STXBP5L: variants seen among roughly 807,000 people sequenced by gnomAD.
The protein encoded by STXBP5L is syntaxin binding protein 5L.
A neutral mutation model predicts 144.5 loss-of-function variants in STXBP5L; 65 were observed. The observed-to-expected ratio is 0.45, with a 90% confidence interval of 0.37 to 0.55. STXBP5L has a LOEUF of 0.55. Ranked by LOEUF, STXBP5L falls within the 20% of genes least tolerant of loss-of-function variation. The pLI, the probability that STXBP5L is intolerant of heterozygous loss-of-function variation, is 0.00. For missense variants in STXBP5L, 1,298 were observed against 1,405.5 expected (o/e 0.92, Z 1.22); for synonymous variants, 505 against 469.6 (o/e 1.08, Z -0.97).
chr3:120,996,401 C>G (rs774289531), intron 3 of STXBP5L, among the ~76,000 whole-genome samples: 2 of 151,904 alleles, frequency 1.3e-5, no homozygotes, highest in Non-Finnish European at 2.9e-5. Flanking sequence ...GAACTGATTA[C>G]TATAGTCAAG....
chr3:120,976,355 A>G (rs186227659), intron 3 of STXBP5L, among the ~76,000 whole-genome samples: 220 of 152,116 alleles, frequency 1.4e-3, no homozygotes, highest in Non-Finnish European at 2.4e-3. Flanking sequence ...GTATTCTCTG[A>G]TAGTAGTTTG....
chr3:120,962,718 C>T (rs564388254), intron 3 of STXBP5L, among the ~76,000 whole-genome samples: 69 of 152,288 alleles, frequency 4.5e-4, no homozygotes, highest in African/African-American at 1.6e-3. Flanking sequence ...CATGATGGCT[C>T]CAGCTTTGTT....
chr3:121,232,708 C>T (rs1218410512), intron 11 of STXBP5L, among the ~76,000 whole-genome samples: 5 of 152,158 alleles, frequency 3.3e-5, no homozygotes. Flanking sequence ...AACACTGAAG[C>T]AGCAGGTTTT....
At chr3:121,145,323 T>C (rs2045672981) in intron 7 of STXBP5L, among the ~76,000 whole-genome samples, 1 of 151,646 alleles carries the variant, frequency 6.6e-6, no homozygotes, top group Non-Finnish European at 1.5e-5. Context: ...TCCATCAATA[T>C]AATTTATATC....
intron 5 of STXBP5L, among the ~76,000 whole-genome samples, chr3:121,090,888 A>G (rs1429677497): frequency 1.3e-5 from 2 of 150,216 alleles, no homozygotes; most frequent in Non-Finnish European, 3.0e-5. Flanking sequence ...CTAACGTGTC[A>G]TCTAGCATTA....
At chr3:121,306,697 C>T (rs1482336930) in intron 19 of STXBP5L, among the ~76,000 whole-genome samples, 1 of 152,106 alleles carries the variant, frequency 6.6e-6, no homozygotes, top group Non-Finnish European at 1.5e-5. Flanking sequence ...TAATTGATAG[C>T]ACCTCTTAAT....
In STXBP5L at chr3:121,404,861, T is replaced by C. The variant is rs150320264; in HGVS notation, c.2588-2382T>C. On this transcript the variant is annotated intron_variant, in intron 22 of 26. Transcript: ENST00000471454. ...TATTAGTTTGCTCAGGCTGCCATAA[T>C]GAAATACCACAGACTCAGTGGCTTA... 4.9e-4 allele frequency among the ~76,000 whole-genome samples: 74 copies of C among 152,250 alleles called. 1 individual carries two copies. In the East Asian group the frequency reaches 0.013, roughly 27 times the overall value.
chr3:120,936,702 C>G (rs1018951917), intron 2 of STXBP5L, among the ~76,000 whole-genome samples: 1 of 151,938 alleles, frequency 6.6e-6, no homozygotes, highest in Non-Finnish European at 1.5e-5. Flanking sequence ...CTCCACCTCC[C>G]GGGTTTATGC....
chr3:121,003,854 G>A (rs1944007712), intron 3 of STXBP5L, among the ~76,000 whole-genome samples: 2 of 152,186 alleles, frequency 1.3e-5, no homozygotes, highest in South Asian at 4.1e-4. Context: ...TCAAAGATCA[G>A]ATGGTTGAAG....
At chr3:121,292,745 G>A (rs779838741) in intron 19 of STXBP5L, among the ~76,000 whole-genome samples, 27 of 152,218 alleles carry the variant, frequency 1.8e-4, no homozygotes, top group Non-Finnish European at 1.9e-4. Context: ...AACCTGGATG[G>A]AGTTGGAGAC....
At chr3:121,051,646 A>T (rs1948004780) in intron 5 of STXBP5L, among the ~76,000 whole-genome samples, 1 of 152,338 alleles carries the variant, frequency 6.6e-6, no homozygotes, top group African/African-American at 2.4e-5. Context: ...AAAGATCCAA[A>T]ATTCACACCC....
intron 19 of STXBP5L, among the ~76,000 whole-genome samples, chr3:121,291,455 A>G (rs967859593): frequency 3.0e-4 from 45 of 152,188 alleles, no homozygotes; most frequent in African/African-American, 1.0e-3. Context: ...GGGTAGACTC[A>G]ATATTGTGAA....
intron 14 of STXBP5L, among the ~76,000 whole-genome samples, chr3:121,242,414 G>C (rs2049700909): frequency 6.6e-6 from 1 of 152,050 alleles, no homozygotes; most frequent in South Asian, 2.1e-4. Flanking sequence ...ATAGAGTTAA[G>C]GCTTTTATAT....
chr3:121,048,057 C>G (rs1947648271), intron 5 of STXBP5L, among the ~76,000 whole-genome samples: 1 of 152,092 alleles, frequency 6.6e-6, no homozygotes, highest in South Asian at 2.1e-4. Flanking sequence ...CATAAATTCC[C>G]TTAGCATTTG....
At chr3:121,091,486 T>C (rs2042791485) in intron 5 of STXBP5L, among the ~76,000 whole-genome samples, 1 of 152,194 alleles carries the variant, frequency 6.6e-6, no homozygotes, top group South Asian at 2.1e-4. Flanking sequence ...TGGTGTGAGA[T>C]GATATCTCAT....
At chr3:121,214,407 G>T (rs1232229914) in intron 10 of STXBP5L, among the ~76,000 whole-genome samples, 12 of 152,060 alleles carry the variant, frequency 7.9e-5, no homozygotes, top group Non-Finnish European at 8.8e-5. Flanking sequence ...GGTACATTGT[G>T]TCTTTGTTCT....
intron 22 of STXBP5L, among the ~76,000 whole-genome samples, chr3:121,402,827 G>GTGTTT (rs907869670): frequency 3.9e-5 from 6 of 152,052 alleles, no homozygotes; most frequent in African/African-American, 1.4e-4. Context: ...GTATGTGTGT[G>GTGTTT]TGTTTTGTTT....
intron 3 of STXBP5L, among the ~76,000 whole-genome samples, chr3:120,986,647 T>A (rs1942313219): frequency 6.6e-6 from 1 of 151,922 alleles, no homozygotes; most frequent in Non-Finnish European, 1.5e-5. Context: ...TGTCTAATAT[T>A]AGTATAGACA....
chr3:121,190,999 G>A (rs906736060), intron 9 of STXBP5L, among the ~76,000 whole-genome samples: 2 of 150,810 alleles, frequency 1.3e-5, no homozygotes, highest in African/African-American at 2.4e-5. Context: ...GGGCAGAGAC[G>A]CTCCTCACTT....
Sources: allele counts gnomAD v4.1 joint callset (sites outside exome capture counted in the v4.1 genomes callset), GRCh38; gene constraint gnomAD v4.1.1; transcripts MANE v1.5; gene names NCBI Gene and HGNC (gene_info 2026-07-23, HGNC 2026-07-21).